The following ATAD2B variants were observed in gnomAD, a reference collection of about 807,000 sequenced individuals.
ATAD2B encodes the protein ATPase family AAA domain containing 2B.
ATAD2B carries 40 observed loss-of-function variants against 167.6 expected under a neutral mutation model. That is an observed-to-expected ratio of 0.24 (90% CI 0.19 to 0.31). The LOEUF is 0.31. Ranked by LOEUF, ATAD2B falls within the 10% of genes least tolerant of loss-of-function variation. The probability of loss-of-function intolerance (pLI) is 1.00; values close to 1 mark genes in which losing one functional copy is unlikely to be tolerated. For synonymous variants in ATAD2B, 579 were observed against 596.5 expected, an observed-to-expected ratio of 0.97 and a Z score of 0.43; for missense variants, 1,242 against 1,757.2, an observed-to-expected ratio of 0.71 and a Z score of 5.24.
the ATAD2B span, among the ~76,000 whole-genome samples, chr2:23,731,378 C>A: frequency 1.3e-5 from 2 of 152,186 alleles, no homozygotes; most frequent in African/African-American, 4.8e-5. Context: ...TTAGAACTCA[C>A]CATTCTGCAG....
At chr2:23,832,272 T>G (rs1311569131) in intron 14 of ATAD2B, 1 of 467,208 alleles carries the variant, frequency 2.1e-6, no homozygotes, top group South Asian at 1.6e-5. Flanking sequence ...CCTTAAAAAC[T>G]ATTTAAGGGA....
intron 1 of ATAD2B, among the ~76,000 whole-genome samples, chr2:23,919,050 G>GA (rs1313884736): frequency 1.3e-5 from 2 of 152,108 alleles, no homozygotes; most frequent in Non-Finnish European, 2.9e-5. Flanking sequence ...TAGCAAAAAA[G>GA]AAAGATTGTC....
chr2:23,703,569 T>A, the ATAD2B span: 635 of 1,110,096 alleles, frequency 5.7e-4, 1 homozygote, highest in African/African-American at 4.4e-3. Flanking sequence ...AGGCTCCAGG[T>A]TCCCCTAGGC....
Position 23,757,542 on chromosome 2 carries a change from T to C in ATAD2B, c.3954A>G (p.Pro1318=). ...CTCCATGATTTTCAGTCGAAGTTTC[T>C]GGTTTTTCTTTTGACTGGTCCTCCA... ...ILLEDQSKEK[P]ETSTENHGDD... The change falls in exon 25 of 28, where the codon CCA becomes CCG. Residue 1318 remains proline, a synonymous_variant. Coordinates refer to ENST00000238789, the MANE Select transcript of ATAD2B (RefSeq NM_017552.4). 1 of 1,596,638 alleles carries C rather than the reference T, an allele frequency of 6.3e-7. No individual in the cohort carries two copies.
chr2:23,885,967 T>G (rs527664697), intron 4 of ATAD2B, 138 bp from the exon 5 acceptor site: 3 of 546,304 alleles, frequency 5.5e-6, no homozygotes, highest in Non-Finnish European at 9.6e-6. Context: ...TTTTTTTAGA[T>G]AGAGTGTCCC....
chr2:23,754,528 C>T, intron 26 of ATAD2B, 119 bp downstream of exon 26: 2 of 1,306,892 alleles, frequency 1.5e-6, no homozygotes, highest in Non-Finnish European at 1.1e-6. Flanking sequence ...TTACTAGGAG[C>T]TCTGAGGCAT....
chr2:23,745,640 C>T (rs374358362), downstream of ATAD2B, among the ~76,000 whole-genome samples: 8 of 152,312 alleles, frequency 5.3e-5, no homozygotes, highest in African/African-American at 1.2e-4. Flanking sequence ...GTTTCCCCTT[C>T]TCTTAAATGG....
chr2:23,766,808 G>A (rs1413281614), intron 22 of ATAD2B, among the ~76,000 whole-genome samples: 2 of 151,984 alleles, frequency 1.3e-5, no homozygotes, highest in Non-Finnish European at 2.9e-5. Flanking sequence ...CAGGGTACTG[G>A]TGTGGGTTCC....
the ATAD2B span, chr2:23,693,123 G>A: frequency 1.1e-6 from 1 of 945,820 alleles, no homozygotes; most frequent in Non-Finnish European, 1.5e-6. Context: ...AGACACCCAG[G>A]AAGGGGGCCT....
At chr2:23,733,167 T>C in the ATAD2B span, among the ~76,000 whole-genome samples, 1 of 152,194 alleles carries the variant, frequency 6.6e-6, no homozygotes, top group Non-Finnish European at 1.5e-5. Context: ...AATCCTTTCC[T>C]AAACCCTGTG....
At chr2:23,731,712 G>A in the ATAD2B span, among the ~76,000 whole-genome samples, 125 of 152,310 alleles carry the variant, frequency 8.2e-4, no homozygotes, top group African/African-American at 2.9e-3. Flanking sequence ...AGGGCAGGGT[G>A]CAGTGGTTCA....
chr2:23,861,078 C>T (rs899693829), intron 12 of ATAD2B, among the ~76,000 whole-genome samples: 2 of 151,902 alleles, frequency 1.3e-5, no homozygotes, highest in African/African-American at 4.8e-5. Context: ...ACCTGTAATC[C>T]CAGTGCTTTG....
At chr2:23,917,169 C>T (rs886521974) in intron 1 of ATAD2B, among the ~76,000 whole-genome samples, 11 of 152,184 alleles carry the variant, frequency 7.2e-5, no homozygotes, top group African/African-American at 2.4e-4. Context: ...TCGATATTTA[C>T]TGAATGAATG....
At chr2:23,756,497 A>G (rs1675966713) in intron 25 of ATAD2B, among the ~76,000 whole-genome samples, 1 of 152,198 alleles carries the variant, frequency 6.6e-6, no homozygotes, top group Non-Finnish European at 1.5e-5. Flanking sequence ...AGCCTCCTAT[A>G]AGAGTACCTA....
At chr2:23,854,341 T>G (rs1260760796) in intron 13 of ATAD2B, among the ~76,000 whole-genome samples, 1 of 152,090 alleles carries the variant, frequency 6.6e-6, no homozygotes, top group Non-Finnish European at 1.5e-5. Context: ...CTCTTACTGA[T>G]ACACAAACAT....
At chr2:23,694,427 G>A in the ATAD2B span, among the ~76,000 whole-genome samples, 1 of 152,076 alleles carries the variant, frequency 6.6e-6, no homozygotes, top group Non-Finnish European at 1.5e-5. Context: ...CCTTGCCTCT[G>A]TCTTGCTCCC....
chr2:23,875,012 C>T (rs1272676422), intron 8 of ATAD2B, among the ~76,000 whole-genome samples: 6 of 150,554 alleles, frequency 4.0e-5, no homozygotes, highest in African/African-American at 2.4e-5. Flanking sequence ...CCCAAGATTG[C>T]CCCACTGCAC....
intron 8 of ATAD2B, chr2:23,872,209 G>T: frequency 3.0e-6 from 1 of 330,814 alleles, no homozygotes; most frequent in Non-Finnish European, 5.9e-6. Context: ...TTAGATAGAA[G>T]GTCTCACTCT....
intron 1 of ATAD2B, among the ~76,000 whole-genome samples, chr2:23,915,553 A>G (rs1702916845): frequency 6.8e-6 from 1 of 147,436 alleles, no homozygotes; most frequent in African/African-American, 2.5e-5. Context: ...AGCTGGGATT[A>G]CAGGTGTAAA....
Sources: allele counts gnomAD v4.1 joint callset (sites outside exome capture counted in the v4.1 genomes callset), GRCh38; gene constraint gnomAD v4.1.1; transcripts MANE v1.5; gene names NCBI Gene and HGNC (gene_info 2026-07-23, HGNC 2026-07-21).